The following CSMD1 variants were observed in gnomAD, a reference collection of about 807,000 sequenced individuals.
The protein encoded by CSMD1 is CUB and Sushi multiple domains 1.
Under a neutral mutation model 417.5 loss-of-function variants are expected in CSMD1, and 213 were observed. The observed-to-expected ratio is 0.51, with a 90% CI of 0.46 to 0.57. The LOEUF (loss-of-function observed/expected upper bound fraction) is 0.57. Ranked by LOEUF, CSMD1 falls within the 20% of genes least tolerant of loss-of-function variation. The pLI is 0.00. For missense variants in CSMD1, 6,923 were observed against 4,529.7 expected (o/e 1.53, Z -15.17); for synonymous variants, 2,862 against 1,736.8 (o/e 1.65, Z -16.11).
At chr8:4,819,803 G>A (rs1183418988) in intron 1 of CSMD1, among the ~76,000 whole-genome samples, 1 of 152,102 alleles carries the variant, frequency 6.6e-6, no homozygotes, top group East Asian at 1.9e-4. Context: ...GGGTGGGGCT[G>A]TTTGGGTGTG....
At chr8:4,472,684 A>G (rs949898932) in intron 2 of CSMD1, among the ~76,000 whole-genome samples, 1 of 152,076 alleles carries the variant, frequency 6.6e-6, no homozygotes, top group Non-Finnish European at 1.5e-5. Context: ...TGTTATATCA[A>G]GAAAATATTG....
intron 6 of CSMD1, among the ~76,000 whole-genome samples, chr8:3,742,921 C>A (rs1170626535): frequency 1.3e-5 from 2 of 152,300 alleles, no homozygotes; most frequent in Middle Eastern, 3.4e-3. Flanking sequence ...ATGCGCTGAG[C>A]AGCCTCATGT....
chr8:4,743,916 GAA>G (rs1330788288), intron 1 of CSMD1, among the ~76,000 whole-genome samples: 2 of 152,156 alleles, frequency 1.3e-5, no homozygotes, highest in African/African-American at 4.8e-5. Context: ...ATTAAAGCTA[GAA>G]GTTTATAAAC....
In CSMD1 at chr8:4,439,372, A is replaced by G. The variant is rs187060859; in HGVS notation, c.303-19307T>C. On this transcript the variant is annotated intron_variant, in intron 2 of 69. Coordinates refer to ENST00000635120, the MANE Select transcript of CSMD1 (RefSeq NM_033225.6). The stretch of plus-strand genomic sequence containing the variant: ...AGAAATTGTGAGATATTACTATACA[A>G]CTTTGTGGGTTACTAACTTATTTCA... Among the ~76,000 whole-genome samples the G allele has an allele frequency of 6.6e-5, 10 of 152,248 alleles. No individual in the cohort carries two copies. The East Asian group carries it at 1.7e-3, about 26-fold the overall frequency.
chr8:4,714,157 A>G (rs6995549), intron 1 of CSMD1, among the ~76,000 whole-genome samples: 45,273 of 151,972 alleles, frequency 0.3, 7,707 homozygotes, highest in East Asian at 0.39. Flanking sequence ...AAAGAAAAAA[A>G]AAAGAATACC....
intron 15 of CSMD1, among the ~76,000 whole-genome samples, chr8:3,400,249 C>T (rs1052695373): frequency 1.3e-5 from 2 of 152,102 alleles, no homozygotes; most frequent in African/African-American, 4.8e-5. Flanking sequence ...GAATATGTCC[C>T]TGGCCACATG....
At chr8:3,752,961 T>C (rs115032837) in intron 6 of CSMD1, among the ~76,000 whole-genome samples, 2 of 152,094 alleles carry the variant, frequency 1.3e-5, no homozygotes, top group African/African-American at 4.8e-5. Flanking sequence ...ATTACTAAAA[T>C]CTCCAGCAGG....
At chr8:3,841,807 T>G (rs145378620) in intron 5 of CSMD1, among the ~76,000 whole-genome samples, 3 of 152,114 alleles carry the variant, frequency 2.0e-5, no homozygotes, top group African/African-American at 7.2e-5. Context: ...AATCAGCCCA[T>G]GATCTGTGTT....
At position 4,732,243 on chromosome 8, in the gene CSMD1, C is replaced by A. The variant is rs991466058; in HGVS notation, c.86-94685G>T. 2.6e-5 allele frequency among the ~76,000 whole-genome samples: 4 copies of A among 152,042 alleles called. No individual in the cohort carries two copies. In the East Asian group the frequency reaches 5.8e-4, roughly 22 times the overall value. On this transcript the variant is annotated intron_variant, in intron 1 of 69. Coordinates refer to ENST00000635120, the MANE Select transcript of CSMD1 (RefSeq NM_033225.6). ...ATGGGTAGAACTCTTTCTACTCTAA[C>A]AAACTGCATATGGTGTAATTGAAAG...
At chr8:4,795,886 G>A (rs1192807412) in intron 1 of CSMD1, among the ~76,000 whole-genome samples, 1 of 152,172 alleles carries the variant, frequency 6.6e-6, no homozygotes, top group Non-Finnish European at 1.5e-5. Context: ...TTGTTCTCAT[G>A]TTAAGGTAGA....
intron 2 of CSMD1, among the ~76,000 whole-genome samples, chr8:4,590,579 T>C (rs1799937196): frequency 6.6e-6 from 1 of 152,028 alleles, no homozygotes; most frequent in South Asian, 2.1e-4. Context: ...AAAATATAAA[T>C]TAGAAATATA....
At chr8:2,948,545 T>C (rs1023033518) in intron 68 of CSMD1, among the ~76,000 whole-genome samples, 14 of 152,134 alleles carry the variant, frequency 9.2e-5, no homozygotes, top group Non-Finnish European at 1.8e-4. Context: ...CTCATTTCTT[T>C]AAATAAATAT....
At chr8:3,348,928 T>G (rs542122777) in intron 21 of CSMD1, among the ~76,000 whole-genome samples, 13 of 152,284 alleles carry the variant, frequency 8.5e-5, no homozygotes, top group African/African-American at 3.1e-4. Flanking sequence ...AAGAATGCTT[T>G]CAGCTCCAAA....
intron 41 of CSMD1, among the ~76,000 whole-genome samples, chr8:3,124,925 A>G (rs1237227617): frequency 6.6e-6 from 1 of 152,270 alleles, no homozygotes; most frequent in African/African-American, 2.4e-5. Context: ...ACACTAAGTA[A>G]GAGTATCACT....
At chr8:3,728,569 A>T (rs1585143521) in intron 6 of CSMD1, among the ~76,000 whole-genome samples, 1 of 152,344 alleles carries the variant, frequency 6.6e-6, no homozygotes, top group Non-Finnish European at 1.5e-5. Context: ...AGAGCCTTTC[A>T]GTGGTGTGAC....
intron 3 of CSMD1, among the ~76,000 whole-genome samples, chr8:4,158,112 G>A (rs1391312366): frequency 2.0e-5 from 3 of 147,076 alleles, no homozygotes; most frequent in African/African-American, 7.6e-5. Flanking sequence ...TTCTGTTTGA[G>A]CTTAAGATCC....
intron 8 of CSMD1, among the ~76,000 whole-genome samples, chr8:3,603,599 C>T (rs1391662963): frequency 6.6e-6 from 1 of 152,152 alleles, no homozygotes. Flanking sequence ...CTTTGTCTTC[C>T]ACTTAGGGAC....
chr8:4,276,672 T>C (rs529161182), intron 3 of CSMD1, among the ~76,000 whole-genome samples: 44 of 152,328 alleles, frequency 2.9e-4, no homozygotes, highest in African/African-American at 8.9e-4. Flanking sequence ...CTTCTGGTCA[T>C]TGATTCAGGA....
At chr8:4,922,081 C>A (rs1374002900) in intron 1 of CSMD1, among the ~76,000 whole-genome samples, 3 of 152,158 alleles carry the variant, frequency 2.0e-5, no homozygotes, top group Non-Finnish European at 2.9e-5. Context: ...AGCACCTGAG[C>A]TTTTGTAATC....
Sources: allele counts gnomAD v4.1 joint callset (sites outside exome capture counted in the v4.1 genomes callset), GRCh38; gene constraint gnomAD v4.1.1; transcripts MANE v1.5; gene names NCBI Gene and HGNC (gene_info 2026-07-23, HGNC 2026-07-21).